Variants in ABCA12 observed in about 807,000 individuals in gnomAD.
The protein encoded by ABCA12 is ATP binding cassette subfamily A member 12.
Under a neutral mutation model 293.5 loss-of-function variants are expected in ABCA12, and 156 were observed. The observed-to-expected ratio is 0.53, with a 90% confidence interval of 0.47 to 0.61. The LOEUF (loss-of-function observed/expected upper bound fraction) is 0.61. Among genes scored for constraint, ABCA12 ranks in the 20% least tolerant of loss-of-function variants. The pLI is 0.00. For missense variants in ABCA12, 2,797 were observed against 3,090.2 expected (o/e 0.91, Z 2.25); for synonymous variants, 1,063 against 1,108.0 (o/e 0.96, Z 0.81).
chr2:215,057,152 T>C (rs1276249738), intron 3 of ABCA12, among the ~76,000 whole-genome samples: 2 of 152,026 alleles, frequency 1.3e-5, no homozygotes, highest in Admixed American at 6.6e-5. Flanking sequence ...CAGAAAGTAC[T>C]TTATAGAGTT....
intron 2 of ABCA12, among the ~76,000 whole-genome samples, chr2:215,068,213 G>A (rs998163625): frequency 6.6e-6 from 1 of 152,108 alleles, no homozygotes; most frequent in African/African-American, 2.4e-5. Flanking sequence ...CAGAAACTCT[G>A]GGGATGGGGT....
intron 42 of ABCA12, 133 bp downstream of exon 42, chr2:214,956,530 G>A: frequency 1.5e-6 from 1 of 666,166 alleles, no homozygotes; most frequent in Non-Finnish European, 2.7e-6. Flanking sequence ...AGTGCAATGT[G>A]TTGTTAGTCA....
chr2:215,006,628 T>G (rs1700257351), intron 19 of ABCA12, among the ~76,000 whole-genome samples: 1 of 152,122 alleles, frequency 6.6e-6, no homozygotes, highest in Admixed American at 6.6e-5. Flanking sequence ...TTCCTAAGCA[T>G]GATCATACAA....
chr2:215,041,771 A>C (rs1482736191), intron 7 of ABCA12, among the ~76,000 whole-genome samples: 1 of 152,224 alleles, frequency 6.6e-6, no homozygotes, highest in Non-Finnish European at 1.5e-5. Context: ...CTAAATGTCC[A>C]TCAACAAATA....
chr2:214,944,402 ACT>A (rs968998316), intron 49 of ABCA12, among the ~76,000 whole-genome samples: 5 of 150,524 alleles, frequency 3.3e-5, no homozygotes, highest in Non-Finnish European at 5.9e-5. Context: ...ACAGAGTAAG[ACT>A]CTGTCTAAAT....
At chr2:215,080,614 T>G (rs1409238044) in intron 2 of ABCA12, among the ~76,000 whole-genome samples, 1 of 152,168 alleles carries the variant, frequency 6.6e-6, no homozygotes, top group East Asian at 1.9e-4. Context: ...TATTTATAAA[T>G]CTAAGAAACA....
intron 1 of ABCA12, among the ~76,000 whole-genome samples, chr2:215,128,846 TG>T (rs1194036791): frequency 1.3e-5 from 2 of 152,140 alleles, no homozygotes; most frequent in Non-Finnish European, 2.9e-5. Context: ...TGAACTAGTG[TG>T]ATTTTCTGGG....
intron 11 of ABCA12, chr2:215,023,806 A>G (rs1017768488): frequency 3.0e-4 from 46 of 152,240 alleles, no homozygotes; most frequent in African/African-American, 1.1e-3. Context: ...ATGCCAAGTA[A>G]TAAGTTCCAA....
At chr2:214,951,778 T>A (rs1294407758) in intron 44 of ABCA12, among the ~76,000 whole-genome samples, 2 of 152,138 alleles carry the variant, frequency 1.3e-5, no homozygotes, top group Admixed American at 6.6e-5. Context: ...TTTTTTTCAA[T>A]TAAATTTAAA....
At chr2:215,101,442 T>C (rs904540424) in intron 2 of ABCA12, among the ~76,000 whole-genome samples, 13 of 152,284 alleles carry the variant, frequency 8.5e-5, no homozygotes, top group Non-Finnish European at 1.8e-4. Flanking sequence ...GGTAATACTC[T>C]GCCATTTGTC....
rs150040688 is a variant in ABCA12 at position 215,077,887 on chromosome 2, C to A, written c.164-13668G>T. On this transcript the variant is annotated intron_variant, in intron 2 of 52. Coordinates refer to ENST00000272895, the MANE Select transcript of ABCA12 (RefSeq NM_173076.3). Reference sequence around the variant, plus strand: ...TTATACCTCAAATTACTTAATGCAACAGTTGTTCATAGCCTTATGGGAAGA... The same window carrying A: ...TTATACCTCAAATTACTTAATGCAAAAGTTGTTCATAGCCTTATGGGAAGA... Among the ~76,000 whole-genome samples, 280 of 152,254 alleles carry A rather than the reference C, an allele frequency of 1.8e-3. 1 individual carries two copies. Among genetic ancestry groups the A allele is most frequent in the African/African-American group, 6.2e-3 (259 of 41,554 alleles).
chr2:215,137,675 C>T (rs979581996), intron 1 of ABCA12, among the ~76,000 whole-genome samples: 2 of 152,128 alleles, frequency 1.3e-5, no homozygotes, highest in African/African-American at 4.8e-5. Flanking sequence ...ATACTAATAG[C>T]CTTCAAACTA....
chr2:215,019,753 T>A lies in ABCA12; in HGVS notation c.1331A>T (p.Glu444Val). The A allele has an allele frequency of 6.2e-7, 1 of 1,613,964 alleles. No homozygotes were observed. The highest frequency in any genetic ancestry group is 1.1e-5 in the South Asian group (1 of 91,090). ...TGACTTCTCTATCAAACTGAAAGTT[T>A]CAGATTCACAAAGAAGTTCGGTCAA... ...RNLTELLCES[E>V]TFSLIEKSCQ... is the part of the protein sequence containing the mutation. The change falls in exon 12 of 53, where the codon GAA becomes GTA. Residue 444 changes from glutamate (E) to valine (V), a missense_variant. Physicochemically the swap from Glu to Val is moderately radical, Grantham distance 121. This residue lies in a region of ABCA12 where 656 missense variants were observed against 638.2 expected (regional missense o/e 1.03). Transcript: ENST00000272895.
chr2:215,062,494 T>C (rs944038933), intron 3 of ABCA12, among the ~76,000 whole-genome samples: 41 of 152,028 alleles, frequency 2.7e-4, no homozygotes, highest in Non-Finnish European at 4.6e-4. Flanking sequence ...CTCCTTACAC[T>C]AAACACACAA....
Position 214,986,537 on chromosome 2 carries a change from C to A in ABCA12, c.4163+5G>T. On this transcript the variant is annotated splice_donor_5th_base_variant and intron_variant, in intron 28 of 52. Coordinates refer to ENST00000272895, the MANE Select transcript of ABCA12 (RefSeq NM_173076.3). ...ATGGCAATAAATGTCAAAAAGTTAA[C>A]ATACATGGTAGTAGTTTTCCCAGCT... The A allele has an allele frequency of 6.2e-7, 1 of 1,613,768 alleles. No homozygotes were observed. The highest frequency in any genetic ancestry group is 8.5e-7 in the Non-Finnish European group (1 of 1,179,768).
At chr2:214,973,864 C>A in intron 36 of ABCA12, 85 bp downstream of exon 36, 3 of 1,187,804 alleles carry the variant, frequency 2.5e-6, no homozygotes, top group Non-Finnish European at 3.8e-6. Flanking sequence ...TATACTGATT[C>A]TTTGGTAACC....
chr2:215,056,444 T>C (rs139212045), intron 3 of ABCA12, among the ~76,000 whole-genome samples: 1 of 152,212 alleles, frequency 6.6e-6, no homozygotes, highest in African/African-American at 2.4e-5. Context: ...CAGCTCCCAT[T>C]CTAACAGCAC....
intron 23 of ABCA12, among the ~76,000 whole-genome samples, chr2:214,992,828 T>G (rs1440588992): frequency 1.3e-5 from 2 of 152,046 alleles, no homozygotes; most frequent in Admixed American, 1.3e-4. Context: ...GCCACTGCAC[T>G]GCAGGTCCAG....
intron 7 of ABCA12, among the ~76,000 whole-genome samples, chr2:215,041,384 T>A (rs1305843444): frequency 1.3e-5 from 2 of 152,072 alleles, no homozygotes; most frequent in East Asian, 3.9e-4. Flanking sequence ...AAACCCCGTC[T>A]CTACCAAAAA....
Sources: allele counts gnomAD v4.1 joint callset (sites outside exome capture counted in the v4.1 genomes callset), GRCh38; gene constraint gnomAD v4.1.1; regional missense constraint gnomAD v4.1.1; transcripts MANE v1.5; gene names NCBI Gene and HGNC (gene_info 2026-07-23, HGNC 2026-07-21).